Variants in EPHA6 observed in about 807,000 individuals in gnomAD.
EPHA6 encodes ephrin type-A receptor 6.
A neutral mutation model predicts 112.0 loss-of-function variants in EPHA6; 50 were observed. The ratio of observed to expected loss-of-function variants is 0.45; its 90% CI spans 0.36 to 0.56. The LOEUF is 0.56. Ranked by LOEUF, EPHA6 falls within the 20% of genes least tolerant of loss-of-function variation. EPHA6 has a pLI of 0.00. For missense variants in EPHA6, 1,280 were observed against 1,417.4 expected, an observed-to-expected ratio of 0.90 and a Z score of 1.56; for synonymous variants, 529 against 490.7, an observed-to-expected ratio of 1.08 and a Z score of -1.03.
At chr3:97,114,295 C>T (rs911756370) in intron 3 of EPHA6, among the ~76,000 whole-genome samples, 27 of 152,186 alleles carry the variant, frequency 1.8e-4, no homozygotes, top group African/African-American at 6.5e-4. Flanking sequence ...AATTTAGTAA[C>T]AACAAATTAC....
At chr3:97,698,858 G>A (rs1368782482) in intron 14 of EPHA6, among the ~76,000 whole-genome samples, 2 of 152,050 alleles carry the variant, frequency 1.3e-5, no homozygotes, top group Non-Finnish European at 1.5e-5. Context: ...ACAAGTCCTC[G>A]CACGGTGCCT....
chr3:96,824,013 A>G (rs1373509005), intron 1 of EPHA6, among the ~76,000 whole-genome samples: 1 of 151,806 alleles, frequency 6.6e-6, no homozygotes, highest in Non-Finnish European at 1.5e-5. Flanking sequence ...ATGATAACTT[A>G]TTGTCTTACT....
intron 8 of EPHA6, among the ~76,000 whole-genome samples, chr3:97,478,314 C>G (rs1052756728): frequency 6.6e-6 from 1 of 152,004 alleles, no homozygotes; most frequent in African/African-American, 2.4e-5. Context: ...TTCCTTAACA[C>G]ATAAATATGA....
At chr3:97,215,273 A>G (rs1347752623) in intron 3 of EPHA6, among the ~76,000 whole-genome samples, 1 of 152,224 alleles carries the variant, frequency 6.6e-6, no homozygotes. Context: ...TGAAAGTATG[A>G]GTAGAACAGA....
chr3:97,158,499 A>G (rs1293020650), intron 3 of EPHA6, among the ~76,000 whole-genome samples: 1 of 152,066 alleles, frequency 6.6e-6, no homozygotes, highest in East Asian at 1.9e-4. Flanking sequence ...ATTTTAGGAG[A>G]CTTATTTGCC....
Position 97,506,266 on chromosome 3 carries a change from G to A in EPHA6, c.2200+22207G>A, listed in dbSNP as rs188423655. ...TCATGAAGTCTTTGTGCATGCCCAC[G>A]TCCTGAATGGTATTGCCTAGGTTTT... On this transcript the variant is annotated intron_variant, in intron 10 of 17. Transcript: ENST00000389672. 3.1e-4 allele frequency among the ~76,000 whole-genome samples: 47 copies of A among 152,222 alleles called. No homozygotes were observed. In the East Asian group the frequency reaches 7.5e-3, roughly 24 times the overall value.
intron 3 of EPHA6, among the ~76,000 whole-genome samples, chr3:97,025,878 A>G (rs2044620439): frequency 6.6e-6 from 1 of 151,926 alleles, no homozygotes; most frequent in African/African-American, 2.4e-5. Context: ...CTGAGCCACC[A>G]CACCTGGCCT....
chr3:96,816,822 A>T (rs1240692371), intron 1 of EPHA6, among the ~76,000 whole-genome samples: 1 of 152,076 alleles, frequency 6.6e-6, no homozygotes, highest in African/African-American at 2.4e-5. Flanking sequence ...AGACATTCAT[A>T]GTAAATTTAA....
chr3:97,193,378 G>A (rs1436504957), intron 3 of EPHA6, among the ~76,000 whole-genome samples: 2 of 151,734 alleles, frequency 1.3e-5, no homozygotes, highest in Non-Finnish European at 2.9e-5. Flanking sequence ...TCTTTTTAAG[G>A]TACTTTATTT....
intron 3 of EPHA6, among the ~76,000 whole-genome samples, chr3:97,169,110 G>A (rs1479093986): frequency 2.0e-5 from 3 of 152,130 alleles, no homozygotes; most frequent in Admixed American, 6.5e-5. Context: ...AATGTTCAAT[G>A]TAGTCAATTT....
chr3:97,683,651 A>T (rs938635873), intron 14 of EPHA6, among the ~76,000 whole-genome samples: 1 of 152,274 alleles, frequency 6.6e-6, no homozygotes, highest in South Asian at 2.1e-4. Context: ...TCCCTGAAGC[A>T]TGGCAAGTCT....
At chr3:97,126,300 T>G (rs1258560783) in intron 3 of EPHA6, among the ~76,000 whole-genome samples, 2 of 152,180 alleles carry the variant, frequency 1.3e-5, no homozygotes, top group African/African-American at 4.8e-5. Flanking sequence ...CAACATGCAC[T>G]GGCAGCTTGG....
chr3:97,546,960 A>AT (rs2092959660), intron 11 of EPHA6, among the ~76,000 whole-genome samples: 1 of 152,000 alleles, frequency 6.6e-6, no homozygotes, highest in South Asian at 2.1e-4. Context: ...CTAGTTATCC[A>AT]TTCGTCTACT....
chr3:97,145,665 A>C (rs143022426), intron 3 of EPHA6, among the ~76,000 whole-genome samples: 5 of 151,822 alleles, frequency 3.3e-5, no homozygotes, highest in African/African-American at 1.2e-4. Context: ...ATTCTCAATG[A>C]GTCTTGAAAT....
chr3:96,836,796 C>G (rs1399904035), intron 1 of EPHA6, among the ~76,000 whole-genome samples: 1 of 152,074 alleles, frequency 6.6e-6, no homozygotes, highest in Non-Finnish European at 1.5e-5. Context: ...GCACCTTATT[C>G]TGTGCTGCCA....
intron 5 of EPHA6, among the ~76,000 whole-genome samples, chr3:97,389,689 G>T (rs930382799): frequency 3.3e-5 from 5 of 152,038 alleles, no homozygotes; most frequent in African/African-American, 1.2e-4. Context: ...ACAACATGTT[G>T]CATTTTAAGT....
intron 3 of EPHA6, among the ~76,000 whole-genome samples, chr3:97,117,375 G>C (rs919179978): frequency 6.6e-6 from 1 of 151,566 alleles, no homozygotes; most frequent in African/African-American, 2.4e-5. Flanking sequence ...GTGTTTTTGA[G>C]GTCTTAGCTA....
intron 5 of EPHA6, among the ~76,000 whole-genome samples, chr3:97,321,740 C>A (rs2082131191): frequency 6.6e-6 from 1 of 151,686 alleles, no homozygotes; most frequent in Non-Finnish European, 1.5e-5. Context: ...TGTAAATAGA[C>A]TGACTTTTAT....
intron 11 of EPHA6, among the ~76,000 whole-genome samples, chr3:97,574,918 T>G (rs2093368631): frequency 6.6e-6 from 1 of 152,044 alleles, no homozygotes; most frequent in African/African-American, 2.4e-5. Context: ...GGGTACTATA[T>G]TCACTATTTG....
Sources: gnomAD v4.1 joint callset for allele counts (sites outside exome capture counted in the v4.1 genomes callset) on GRCh38, gnomAD v4.1.1 for gene constraint, MANE v1.5 for transcripts, NCBI Gene and HGNC (gene_info 2026-07-23, HGNC 2026-07-21) for gene names.